RAB37: variants seen among roughly 807,000 people sequenced by gnomAD.
RAB37 encodes RAB37, member RAS oncogene family.
RAB37 carries 29 observed loss-of-function variants against 33.1 expected under a neutral mutation model. That is an observed-to-expected ratio of 0.88 (90% CI 0.65 to 1.20). The LOEUF is 1.20. Among genes scored for constraint, RAB37 ranks in the 50% most tolerant of loss-of-function variants. RAB37 has a pLI of 0.00. For synonymous variants in RAB37, 128 were observed against 119.5 expected, an observed-to-expected ratio of 1.07 and a Z score of -0.47; for missense variants, 299 against 301.1, an observed-to-expected ratio of 0.99 and a Z score of 0.05.
rs2034702864 is a variant in RAB37 at position 74,744,488 on chromosome 17, C to T, written c.432+115C>T. ...TCCTTCCTGAAAAGGACTCTGCAGCCTCCAGCTCAGGGGTCAGACATATCT... is the reference window on the plus strand; with the variant it reads ...TCCTTCCTGAAAAGGACTCTGCAGCTTCCAGCTCAGGGGTCAGACATATCT... On this transcript the variant is annotated intron_variant, in intron 6 of 8. Transcript: ENST00000392613. The surrounding 1 kb of genome is among the most constrained non-coding windows in gnomAD (Gnocchi z 4.2). 1.0e-6 allele frequency: 1 copy of T among 994,830 alleles called. No individual in the cohort carries two copies. Among genetic ancestry groups the T allele is most frequent in the Non-Finnish European group, 1.6e-6 (1 of 634,426 alleles). The allele number at this position is 994,830 out of a possible 1,614,324, so 61.6% of individuals were successfully genotyped here.
chr17:74,671,958 G>A lies in RAB37; in HGVS notation c.72+300G>A, dbSNP rs557627977. Among the ~76,000 whole-genome samples the A allele has an allele frequency of 6.6e-6, 1 of 152,152 alleles. No homozygotes were observed. Among genetic ancestry groups the A allele is most frequent in the South Asian group, 2.1e-4 (1 of 4,824 alleles). ...TATTTATGCCCCTGGGTGACCCCTG[G>A]CACCTTGCTCTCCTAACCCTTGTAG... On this transcript the variant is annotated intron_variant, in intron 1 of 7. Transcript: ENST00000340415. This position sits in a 1 kb window ranked among gnomAD's most constrained non-coding sequence, Gnocchi z 5.0.
At chr17:74,736,002 T>C (rs951683399), upstream of RAB37, among the ~76,000 whole-genome samples, 3 of 152,136 alleles carry the variant, frequency 2.0e-5, no homozygotes, top group African/African-American at 4.8e-5. Flanking sequence ...GGTCAGGAAT[T>C]TGAGACCAGC....
intron 1 of RAB37, among the ~76,000 whole-genome samples, chr17:74,718,453 G>A (rs142829048): frequency 2.2e-3 from 333 of 152,184 alleles, no homozygotes; most frequent in African/African-American, 7.6e-3. Flanking sequence ...TCAGAATAGA[G>A]CACCTGTCAT....
At chr17:74,712,383 C>T (rs912392495) in intron 1 of RAB37, among the ~76,000 whole-genome samples, 1 of 152,148 alleles carries the variant, frequency 6.6e-6, no homozygotes, top group Admixed American at 6.5e-5. Context: ...AACCACCACT[C>T]CCTCTCTGCC....
upstream of RAB37, chr17:74,737,214 G>GGGGGGGGGGGGGGGC: frequency 2.4e-6 from 3 of 1,245,288 alleles, no homozygotes; most frequent in Non-Finnish European, 3.4e-6. Context: ...CGGGGGTGGG[G>GGGGGGGGGGGGGGGC]CCGTTCCTGC....
At chr17:74,719,300 A>C (rs986128757) in intron 1 of RAB37, among the ~76,000 whole-genome samples, 11 of 152,028 alleles carry the variant, frequency 7.2e-5, no homozygotes, top group African/African-American at 2.4e-4. Flanking sequence ...ATACAAAAAA[A>C]TTAGCTGGGC....
upstream of RAB37, among the ~76,000 whole-genome samples, chr17:74,736,276 T>TC (rs2034473401): frequency 6.6e-6 from 1 of 151,324 alleles, no homozygotes; most frequent in African/African-American, 2.4e-5. Context: ...CCTCAAACCG[T>TC]CCCGCTGTAA....
intron 1 of RAB37, chr17:74,695,596 A>G (rs2032371182): frequency 7.4e-7 from 1 of 1,350,602 alleles, no homozygotes; most frequent in Non-Finnish European, 1.0e-6. Context: ...TGCAGTGACT[A>G]TGGCTTTGCC....
chr17:74,715,289 T>C (rs1026074), intron 1 of RAB37, among the ~76,000 whole-genome samples: 6,275 of 152,226 alleles, frequency 0.041, 232 homozygotes, highest in Admixed American at 0.1. Context: ...AATGAGTGGG[T>C]GTGCAGAGGG....
intron 1 of RAB37, among the ~76,000 whole-genome samples, chr17:74,707,079 T>C (rs979937917): frequency 3.3e-5 from 5 of 152,198 alleles, no homozygotes; most frequent in African/African-American, 4.8e-5. Context: ...GTCTTGGCGA[T>C]GATGTCTTGG....
intron 1 of RAB37, among the ~76,000 whole-genome samples, chr17:74,718,199 C>T (rs1274252776): frequency 6.6e-6 from 1 of 152,116 alleles, no homozygotes; most frequent in African/African-American, 2.4e-5. Flanking sequence ...GAGGCTGAGG[C>T]AGGGGAATCA....
intron 1 of RAB37, among the ~76,000 whole-genome samples, chr17:74,684,767 G>C (rs892189125): frequency 6.6e-6 from 1 of 152,096 alleles, no homozygotes; most frequent in Non-Finnish European, 1.5e-5. Flanking sequence ...TCGAGCCTGG[G>C]TGACAGAGCA....
chr17:74,728,075 T>C (rs1349707341), intron 1 of RAB37, among the ~76,000 whole-genome samples: 1 of 152,178 alleles, frequency 6.6e-6, no homozygotes, highest in Non-Finnish European at 1.5e-5. Flanking sequence ...TGCATGTCTG[T>C]GTGTTTCTGA....
Position 74,716,639 on chromosome 17 carries a change from G to C in RAB37, c.73-12617G>C, listed in dbSNP as rs533588766. On this transcript the variant is annotated intron_variant, in intron 1 of 7. Transcript: ENST00000340415. ...GGTCACATAGCTAGTAAGTGGCAGA[G>C]CCAAGATTCAAACCCAGGCCTGGTT... 2.2e-4 allele frequency among the ~76,000 whole-genome samples: 34 copies of C among 152,252 alleles called. 1 individual carries two copies. In the South Asian group the frequency reaches 3.7e-3, roughly 17 times the overall value.
intron 1 of RAB37, among the ~76,000 whole-genome samples, chr17:74,681,257 C>G (rs1041531715): frequency 2.3e-4 from 35 of 152,192 alleles, no homozygotes; most frequent in African/African-American, 8.4e-4. Flanking sequence ...TTGCAGCTCT[C>G]GAGGCTGCCA....
At chr17:74,712,002 T>C (rs1337753544) in intron 1 of RAB37, among the ~76,000 whole-genome samples, 1 of 149,996 alleles carries the variant, frequency 6.7e-6, no homozygotes, top group Non-Finnish European at 1.5e-5. Context: ...ACTCCTGGGC[T>C]CAAGTGATCC....
At chr17:74,733,445 G>T (rs1486365648), upstream of RAB37, among the ~76,000 whole-genome samples, 1 of 3,174 alleles carries the variant, frequency 3.2e-4, no homozygotes, top group Non-Finnish European at 6.8e-4. Flanking sequence ...TGTGTGTGAT[G>T]TGAGGTGTGT....
Position 74,671,997 on chromosome 17 carries a change from T to C in RAB37, c.72+339T>C, listed in dbSNP as rs1330991091. ...TAACCCTTGTAGGAGACTGCATTTC[T>C]CCCTGTTACATCTGCTAGCAGTGGC... On this transcript the variant is annotated intron_variant, in intron 1 of 7. Transcript: ENST00000340415. The surrounding 1 kb of genome is among the most constrained non-coding windows in gnomAD (Gnocchi z 5.0). Among the ~76,000 whole-genome samples, 3 of 152,162 alleles carry C rather than the reference T, an allele frequency of 2.0e-5. No homozygotes were observed. The highest frequency in any genetic ancestry group is 4.1e-4 in the South Asian group (2 of 4,834).
At chr17:74,687,471 G>A (rs2032076900) in intron 1 of RAB37, among the ~76,000 whole-genome samples, 1 of 151,846 alleles carries the variant, frequency 6.6e-6, no homozygotes, top group African/African-American at 2.4e-5. Context: ...TGATCCACCT[G>A]CCTCGGCCTC....
Sources: gnomAD v4.1 joint callset for allele counts (sites outside exome capture counted in the v4.1 genomes callset) on GRCh38, gnomAD v4.1.1 for gene constraint, Gnocchi (gnomAD v3.1) non-coding constraint, MANE v1.5 for transcripts, NCBI Gene and HGNC (gene_info 2026-07-23, HGNC 2026-07-21) for gene names.